The following WDR62 variants were observed in gnomAD, a reference collection of about 807,000 sequenced individuals.
WDR62 encodes WD repeat domain 62.
Under a neutral mutation model 160.6 loss-of-function variants are expected in WDR62, and 112 were observed. That is an observed-to-expected ratio of 0.70 (90% confidence interval 0.60 to 0.82). The LOEUF is 0.82. Ranked by LOEUF, WDR62 falls within the 40% of genes least tolerant of loss-of-function variation. The pLI, the probability that WDR62 is intolerant of heterozygous loss-of-function variation, is 0.00. For missense variants in WDR62, 1,819 were observed against 1,983.8 expected (o/e 0.92, Z 1.58); for synonymous variants, 792 against 815.1 (o/e 0.97, Z 0.48).
At chr19:36,070,484 C>T (rs1412839900) in intron 7 of WDR62, 1 of 152,164 alleles carries the variant, frequency 6.6e-6, no homozygotes, top group African/African-American at 2.4e-5. Context: ...AGCTTCTTTC[C>T]TTTAGTATCT....
intron 22 of WDR62, among the ~76,000 whole-genome samples, chr19:36,100,073 G>A (rs1599839550): frequency 6.6e-6 from 1 of 152,164 alleles, no homozygotes; most frequent in Non-Finnish European, 1.5e-5. Flanking sequence ...CCTAGGCAAC[G>A]TAGCAAGATC....
intron 16 of WDR62, among the ~76,000 whole-genome samples, chr19:36,090,871 G>A (rs1321527614): frequency 6.6e-6 from 1 of 152,208 alleles, no homozygotes; most frequent in Non-Finnish European, 1.5e-5. Context: ...TCTGGTCTAG[G>A]ACAGTTATGG....
At chr19:36,061,282 A>G (rs565601036) in intron 3 of WDR62, 6 of 152,292 alleles carry the variant, frequency 3.9e-5, no homozygotes, top group East Asian at 1.9e-4. Flanking sequence ...TCAAGCGTCT[A>G]TTCACTGTGG....
intron 9 of WDR62, chr19:36,074,344 T>C (rs980509931): frequency 5.9e-5 from 9 of 152,798 alleles, no homozygotes; most frequent in African/African-American, 2.2e-4. Flanking sequence ...TTTCTGAGAA[T>C]GAATTTGTGG....
At chr19:36,066,084 C>A in intron 4 of WDR62, 69 bp downstream of exon 4, 1 of 1,595,566 alleles carries the variant, frequency 6.3e-7, no homozygotes, top group Non-Finnish European at 8.6e-7. Flanking sequence ...CTTCTGCTCC[C>A]GGCAGGCCTG....
intron 20 of WDR62, among the ~76,000 whole-genome samples, chr19:36,094,702 C>T (rs559544376): frequency 1.3e-5 from 2 of 150,640 alleles, no homozygotes; most frequent in Middle Eastern, 3.2e-3. Flanking sequence ...CCAGCCTGGG[C>T]AACATAGCGA....
chr19:36,099,630 A>G lies in WDR62; in HGVS notation c.2739+13A>G, dbSNP rs1470757838. On this transcript the variant is annotated intron_variant, in intron 22 of 31. Coordinates refer to ENST00000401500, the MANE Select transcript of WDR62 (RefSeq NM_001083961.2). Reference sequence around the variant, plus strand: ...CCTGCTGAGTGAGGTACACACTTCCACCGCAGCCTGGCCCATAGCCCCGGC... The same window carrying G: ...CCTGCTGAGTGAGGTACACACTTCCGCCGCAGCCTGGCCCATAGCCCCGGC... 3.7e-6 allele frequency: 6 copies of G among 1,613,484 alleles called. No homozygotes were observed. In the African/African-American group the frequency reaches 8.0e-5, roughly 22 times the overall value.
At position 36,103,032 on chromosome 19, in the gene WDR62, G is replaced by A. The variant is rs1289355527; in HGVS notation, c.3420G>A (p.Gln1140=). ...AGCTCATGGACCGAGGCGGAAGCCA[G>A]CCCAGAGCAGGTACTGGCTACGCCT... ...EVKLMDRGGS[Q]PRAGTGYASP... The change falls in exon 28 of 32, where the codon CAG becomes CAA. Residue 1140 remains glutamine, a synonymous_variant. Transcript: ENST00000401500. 20 of 1,614,026 alleles carry A rather than the reference G, an allele frequency of 1.2e-5. No individual in the cohort carries two copies. Among genetic ancestry groups the A allele is most frequent in the Non-Finnish European group, 1.7e-5 (20 of 1,180,032 alleles).
chr19:36,092,284 C>A (rs1422943090), intron 18 of WDR62, among the ~76,000 whole-genome samples: 2 of 148,844 alleles, frequency 1.3e-5, no homozygotes, highest in Non-Finnish European at 3.0e-5. Flanking sequence ...GCACCCTAGC[C>A]TGGGTGACAG....
chr19:36,068,990 C>CCACCT (rs1971107338), intron 7 of WDR62, among the ~76,000 whole-genome samples: 1 of 151,768 alleles, frequency 6.6e-6, no homozygotes, highest in African/African-American at 2.4e-5. Flanking sequence ...AGGCGGACCC[C>CCACCT]CACCTCCCTC....
At chr19:36,108,250 C>A (rs1973747101), downstream of WDR62, among the ~76,000 whole-genome samples, 1 of 152,102 alleles carries the variant, frequency 6.6e-6, no homozygotes, top group South Asian at 2.1e-4. Context: ...CCAGGTGACC[C>A]CGCCTCCAGT....
chr19:36,055,280 C>T (rs1970298271), intron 1 of WDR62, 132 bp downstream of exon 1: 5 of 917,866 alleles, frequency 5.4e-6, no homozygotes, highest in Non-Finnish European at 8.3e-6. Context: ...ATGCCTCGTC[C>T]CCTAACCCCC....
At chr19:36,063,921 T>C (rs1314718082) in intron 3 of WDR62, among the ~76,000 whole-genome samples, 1 of 152,212 alleles carries the variant, frequency 6.6e-6, no homozygotes, top group East Asian at 1.9e-4. Context: ...CCCAGGGAAA[T>C]CTAATGTACA....
intron 3 of WDR62, among the ~76,000 whole-genome samples, chr19:36,063,370 T>A (rs996670036): frequency 1.3e-5 from 2 of 152,220 alleles, no homozygotes; most frequent in African/African-American, 4.8e-5. Context: ...TGCCTCAGCC[T>A]CCTGAGTAGC....
intron 24 of WDR62, 92 bp downstream of exon 24, chr19:36,101,409 A>C (rs1158570822): frequency 8.6e-7 from 1 of 1,160,758 alleles, no homozygotes; most frequent in East Asian, 2.5e-5. Flanking sequence ...CCCAGTACTG[A>C]AGCTCAGAGT....
the WDR62 span, among the ~76,000 whole-genome samples, chr19:36,110,199 G>A: frequency 2.0e-5 from 3 of 151,928 alleles, no homozygotes; most frequent in Non-Finnish European, 2.9e-5. Context: ...GGCCAGGTGC[G>A]GTGGCTCATG....
chr19:36,075,657 G>A (rs1020911626), intron 9 of WDR62, among the ~76,000 whole-genome samples: 2 of 151,936 alleles, frequency 1.3e-5, no homozygotes, highest in Admixed American at 1.3e-4. Context: ...TGTTGGCCAG[G>A]CTAGTTTCAA....
chr19:36,055,206 C>T (rs1241062293), intron 1 of WDR62, 58 bp downstream of exon 1: 5 of 1,546,210 alleles, frequency 3.2e-6, no homozygotes, highest in Non-Finnish European at 4.4e-6. Context: ...TTCCCCTAGT[C>T]CCGTCCTGAG....
Position 36,092,681 on chromosome 19 carries a change from C to T in WDR62, c.2211-8C>T, listed in dbSNP as rs369077520. 82 of 1,614,022 alleles carry T rather than the reference C, an allele frequency of 5.1e-5. No homozygotes were observed. The African/African-American group carries it at 1.1e-3, about 21-fold the overall frequency. On this transcript the variant is annotated splice_region_variant and splice_polypyrimidine_tract_variant and intron_variant, in intron 18 of 31. Transcript: ENST00000401500. Reference sequence around the variant, plus strand: ...TCTGCCTTGTGTGTCTCTCTTTGACCTCCGCAGCTGCGTGTTCATCTGGCA... The same window carrying T: ...TCTGCCTTGTGTGTCTCTCTTTGACTTCCGCAGCTGCGTGTTCATCTGGCA...
Sources: allele counts gnomAD v4.1 joint callset (sites outside exome capture counted in the v4.1 genomes callset), GRCh38; gene constraint gnomAD v4.1.1; transcripts MANE v1.5; gene names NCBI Gene and HGNC (gene_info 2026-07-23, HGNC 2026-07-21).